SYNE2: variants seen among roughly 807,000 people sequenced by gnomAD.
The protein encoded by SYNE2 is nesprin-2.
In SYNE2, 431 loss-of-function variants were observed where a neutral mutation model predicts 856.3. The ratio of observed to expected loss-of-function variants is 0.50; its 90% CI spans 0.47 to 0.55. The LOEUF (loss-of-function observed/expected upper bound fraction) is 0.55, where lower values mean the gene tolerates loss of function less well. SYNE2 is among the 20% of genes least tolerant of loss of function. The probability of loss-of-function intolerance (pLI) is 0.00; values close to 1 mark genes in which losing one functional copy is unlikely to be tolerated. For synonymous variants in SYNE2, 2,923 were observed against 2,872.3 expected (o/e 1.02, Z -0.56); for missense variants, 8,129 against 8,023.2 (o/e 1.01, Z -0.50).
At chr14:64,220,074 T>C (rs2098687605) in intron 110 of SYNE2, among the ~76,000 whole-genome samples, 1 of 152,202 alleles carries the variant, frequency 6.6e-6, no homozygotes, top group Admixed American at 6.5e-5. Flanking sequence ...TTACCATTCC[T>C]CCTAAGGAAT....
chr14:63,930,421 G>A (rs572314543), intron 2 of SYNE2, among the ~76,000 whole-genome samples: 5 of 151,874 alleles, frequency 3.3e-5, no homozygotes, highest in East Asian at 1.9e-4. Context: ...CCAAAGTGTA[G>A]TTTGGAGACC....
intron 112 of SYNE2, 54 bp downstream of exon 112, chr14:64,221,758 G>A (rs1454061964): frequency 6.2e-6 from 10 of 1,603,178 alleles, no homozygotes; most frequent in African/African-American, 5.4e-5. Context: ...CAGCCCCAGA[G>A]AGGCAGCACA....
At chr14:63,802,982 G>T (rs1391697074) in intron 1 of SYNE2, among the ~76,000 whole-genome samples, 1 of 152,276 alleles carries the variant, frequency 6.6e-6, no homozygotes, top group South Asian at 2.1e-4. Flanking sequence ...AAGAGCGAAA[G>T]AACAAAACTT....
chr14:64,034,889 G>T (rs148955632), intron 45 of SYNE2, among the ~76,000 whole-genome samples: 2 of 151,170 alleles, frequency 1.3e-5, no homozygotes, highest in East Asian at 3.9e-4. Context: ...AAAGAGAAAC[G>T]ATAAAGAGGA....
intron 90 of SYNE2, chr14:64,166,950 A>G (rs899332143): frequency 1.1e-5 from 5 of 442,758 alleles, no homozygotes; most frequent in African/African-American, 6.0e-5. Flanking sequence ...AAAAAATAAA[A>G]AAGCCTATTT....
At position 64,145,070 on chromosome 14, in the gene SYNE2, A is replaced by C. The variant is rs866708557; in HGVS notation, c.15484-998A>C. Among the ~76,000 whole-genome samples the C allele has an allele frequency of 2.0e-5, 3 of 151,478 alleles. No homozygotes were observed. The Middle Eastern group carries it at 0.01, about 515-fold the overall frequency. On this transcript the variant is annotated intron_variant, in intron 83 of 115. Transcript: ENST00000555002. ...GCCTCCCAAATAGCTGATATTACACATGCCTGCCGCCACGCCTAGCTAATT... is the reference window on the plus strand; with the variant it reads ...GCCTCCCAAATAGCTGATATTACACCTGCCTGCCGCCACGCCTAGCTAATT...
intron 61 of SYNE2, among the ~76,000 whole-genome samples, chr14:64,094,448 C>T (rs1414023565): frequency 1.3e-5 from 2 of 152,110 alleles, no homozygotes; most frequent in Non-Finnish European, 2.9e-5. Context: ...TTTGAAGTAG[C>T]ATTTCTATAA....
At position 64,104,058 on chromosome 14, in the gene SYNE2, T is replaced by C. The variant is rs74915869; in HGVS notation, c.12492+2016T>C. Among the ~76,000 whole-genome samples the C allele has an allele frequency of 5.6e-3, 846 of 152,328 alleles. 7 individuals carry two copies. Among genetic ancestry groups the C allele is most frequent in the Non-Finnish European group, 8.7e-3 (594 of 68,030 alleles). ...CTATACTCAGCTCAGTATGGTACTTTAATGAACTGAATTTCTGGATCCTGC... is the reference window on the plus strand; with the variant it reads ...CTATACTCAGCTCAGTATGGTACTTCAATGAACTGAATTTCTGGATCCTGC... On this transcript the variant is annotated intron_variant, in intron 64 of 115. Transcript: ENST00000555002.
chr14:63,999,037 A>C lies in SYNE2; in HGVS notation c.3477A>C (p.Leu1159=). The change falls in exon 27 of 116, where the codon CTA becomes CTC. Residue 1159 remains leucine (L), a synonymous_variant. Coordinates refer to ENST00000555002, the MANE Select transcript of SYNE2 (RefSeq NM_182914.3). ...GTCTGCAGGCTAAACTGACAGATCT[A>C]CAGGTAATTACCAAAAATATTATTT... is the stretch of plus-strand genomic sequence containing the variant. ...SSCLQAKLTD[L]QVIKNETDAR... 6.2e-7 allele frequency: 1 copy of C among 1,613,484 alleles called. No individual in the cohort carries two copies. Among genetic ancestry groups the C allele is most frequent in the Non-Finnish European group, 8.5e-7 (1 of 1,179,464 alleles).
intron 2 of SYNE2, among the ~76,000 whole-genome samples, chr14:63,938,468 A>G (rs1231946836): frequency 2.0e-5 from 3 of 152,186 alleles, no homozygotes; most frequent in Admixed American, 6.5e-5. Context: ...GAATTAGACT[A>G]TTGGACAGAG....
rs1348113211 is a variant in SYNE2, at chr14:64,220,585, G to A, written c.20009G>A (p.Gly6670Asp). 1 of 1,614,208 alleles carries A rather than the reference G, an allele frequency of 6.2e-7. No individual in the cohort carries two copies. Among genetic ancestry groups the A allele is most frequent in the Admixed American group, 1.7e-5 (1 of 60,022 alleles). The change falls in exon 111 of 116, where the codon GGC (glycine) becomes GAC (aspartate). Residue 6670 changes from glycine (G) to aspartate (D), a missense_variant. Gly to Asp is a moderately conservative substitution (Grantham distance 94, BLOSUM62 -1). Around this residue, in one of 3 missense-constraint regions of SYNE2, gnomAD observed 5,410 missense variants for 5,284.8 expected, o/e 1.02. Coordinates refer to ENST00000555002, the MANE Select transcript of SYNE2 (RefSeq NM_182914.3). ...QLSLLWEAAQ[G>D]AVDSWRGGLR... The stretch of plus-strand genomic sequence containing the variant: ...AGCCTGCTCTGGGAAGCAGCACAGG[G>A]CGCAGTGGACAGCTGGAGAGGGGGC...
rs1567173011 is a variant in SYNE2 at position 64,055,928 on chromosome 14, A to ATC, written c.9745-13_9745-12dup. The ATC allele has an allele frequency of 1.2e-6, 2 of 1,607,004 alleles. No homozygotes were observed. Among genetic ancestry groups the ATC allele is most frequent in the Admixed American group, 3.3e-5 (2 of 59,814 alleles). On this transcript the variant is annotated splice_polypyrimidine_tract_variant and intron_variant, in intron 48 of 115. Coordinates refer to ENST00000555002, the MANE Select transcript of SYNE2 (RefSeq NM_182914.3). The stretch of plus-strand genomic sequence containing the variant: ...TTTGACAATTTTGTCACAGCATTTA[A>ATC]TCTCCTATTCACTAGAATGTCTTGA...
Position 63,942,069 on chromosome 14 carries a change from C to T in SYNE2, c.334C>T (p.His112Tyr). 1 of 1,610,456 alleles carries T rather than the reference C, an allele frequency of 6.2e-7. No homozygotes were observed. The highest frequency in any genetic ancestry group is 8.5e-7 in the Non-Finnish European group (1 of 1,177,274). The change falls in exon 6 of 116, where the codon CAT (histidine) becomes TAT (tyrosine). Residue 112 changes from histidine to tyrosine, a missense_variant. By Grantham distance (83) the His-to-Tyr change is moderately conservative. Coordinates refer to ENST00000555002, the MANE Select transcript of SYNE2 (RefSeq NM_182914.3). ...TTTCCAGATTAAGCTAATAAATATTCATGTTACTGATATCATTGATGGAAA... is the reference window on the plus strand; with the variant it reads ...TTTCCAGATTAAGCTAATAAATATTTATGTTACTGATATCATTGATGGAAA... ...RNRSIKLINI[H>Y]VTDIIDGNPS...
At chr14:64,171,292 A>G (rs1178202799) in intron 94 of SYNE2, among the ~76,000 whole-genome samples, 1 of 152,230 alleles carries the variant, frequency 6.6e-6, no homozygotes, top group African/African-American at 2.4e-5. Context: ...TTATGCAATC[A>G]TCGCATATTA....
chr14:63,871,268 G>A (rs1400854723), intron 1 of SYNE2, among the ~76,000 whole-genome samples: 1 of 151,136 alleles, frequency 6.6e-6, no homozygotes, highest in Non-Finnish European at 1.5e-5. Context: ...TGCAATGGCT[G>A]GATCTCAGCT....
Position 64,188,539 on chromosome 14 carries a change from T to C in SYNE2, c.17713-11T>C. ...GCTATACTCAGCTGCCAAATGTATT[T>C]TCATTTGCAGGTGGCCATACGTAAA... On this transcript the variant is annotated splice_polypyrimidine_tract_variant and intron_variant, in intron 97 of 115. Transcript: ENST00000555002. 1 of 1,614,184 alleles carries C rather than the reference T, an allele frequency of 6.2e-7. No individual in the cohort carries two copies. The highest frequency in any genetic ancestry group is 8.5e-7 in the Non-Finnish European group (1 of 1,180,042).
intron 107 of SYNE2, chr14:64,215,577 C>A: frequency 1.6e-6 from 1 of 610,090 alleles, no homozygotes; most frequent in Non-Finnish European, 2.9e-6. Flanking sequence ...CCCCTCTCCT[C>A]CCTTCAGGCC....
At chr14:63,800,640 A>G (rs947672557) in intron 1 of SYNE2, among the ~76,000 whole-genome samples, 3 of 152,228 alleles carry the variant, frequency 2.0e-5, no homozygotes, top group Admixed American at 6.5e-5. Flanking sequence ...CATAAAAAAG[A>G]AAAAGATCAT....
At chr14:64,222,927 ACTT>A (rs2098701720) in intron 112 of SYNE2, among the ~76,000 whole-genome samples, 1 of 152,114 alleles carries the variant, frequency 6.6e-6, no homozygotes, top group South Asian at 2.1e-4. Context: ...CACTTGCCTC[ACTT>A]CTTTCTTCTA....
Sources: gnomAD v4.1 joint callset for allele counts (sites outside exome capture counted in the v4.1 genomes callset) on GRCh38, gnomAD v4.1.1 for gene constraint, gnomAD v4.1.1 regional missense constraint, MANE v1.5 for transcripts, NCBI Gene and HGNC (gene_info 2026-07-23, HGNC 2026-07-21) for gene names.